Variants in DSPP observed in about 807,000 individuals in gnomAD.
DSPP encodes deafness, autosomal dominant 39.
A neutral mutation model predicts 29.1 loss-of-function variants in DSPP; 28 were observed. The ratio of observed to expected loss-of-function variants is 0.96; its 90% confidence interval spans 0.71 to 1.32. DSPP has a LOEUF of 1.32. Among genes scored for constraint, DSPP ranks in the 40% most tolerant of loss-of-function variants. The pLI is 0.00. For synonymous variants in DSPP, 481 were observed against 503.4 expected, an observed-to-expected ratio of 0.96 and a Z score of 0.60; for missense variants, 1,281 against 1,629.9, an observed-to-expected ratio of 0.79 and a Z score of 3.69.
In DSPP at chr4:87,616,470, G is replaced by GA. The variant is rs1727959401; in HGVS notation, c.3809dup (p.Asp1270GlufsTer8). ...CACATCTGACAGCAATGATGAGAGTGACAGCCAGAGCAAGTCTGGTAACGG... is the reference window on the plus strand; with the variant it reads ...CACATCTGACAGCAATGATGAGAGTGAACAGCCAGAGCAAGTCTGGTAACGG... On this transcript the variant is annotated frameshift_variant, in exon 5 of 5. Coordinates refer to ENST00000651931, the MANE Select transcript of DSPP (RefSeq NM_014208.3). LOFTEE classifies it high-confidence loss of function. 1.3e-6 allele frequency: 2 copies of GA among 1,551,626 alleles called. No homozygotes were observed. The highest frequency in any genetic ancestry group is 3.9e-5 in the Admixed American group (2 of 50,980).
At position 87,615,537 on chromosome 4, in the gene DSPP, A is replaced by G; in HGVS notation, c.2875A>G (p.Ser959Gly). The change falls in exon 5 of 5, where the codon AGC (serine) becomes GGC (glycine). Residue 959 changes from serine to glycine, a missense_variant. By Grantham distance (56) the Ser-to-Gly change is moderately conservative. Coordinates refer to ENST00000651931, the MANE Select transcript of DSPP (RefSeq NM_014208.3). ...CAGTAATAGTAGTGACAGCAGCAAT[A>G]GCAGTGACAGCAGCAACAGCAGTGA... ...DSSNSSDSSN[S>G]SDSSNSSDSS... 5.2e-6 allele frequency: 8 copies of G among 1,550,086 alleles called. No homozygotes were observed. The highest frequency in any genetic ancestry group is 7.0e-6 in the Non-Finnish European group (8 of 1,146,020).
Position 87,614,587 on chromosome 4 carries a change from G to A in DSPP, c.1925G>A (p.Ser642Asn), listed in dbSNP as rs1292105863. 3 of 1,551,374 alleles carry A rather than the reference G, an allele frequency of 1.9e-6. No homozygotes were observed. Among genetic ancestry groups the A allele is most frequent in the Non-Finnish European group, 8.7e-7 (1 of 1,146,862 alleles). ...AGTGATAGTGACAGTAAGTCAGACA[G>A]CAGTGACAGCAACAGCAGTGACAGT... ...DSSDSDSKSD[S>N]SDSNSSDSSD... The change falls in exon 5 of 5, where the codon AGC becomes AAC. Residue 642 changes from serine to asparagine, a missense_variant. By Grantham distance (46) the Ser-to-Asn change is conservative. Coordinates refer to ENST00000651931, the MANE Select transcript of DSPP (RefSeq NM_014208.3).
At chr4:87,613,420 T>C (rs1268428667) in intron 4 of DSPP, 112 bp downstream of exon 4, 33 of 1,319,656 alleles carry the variant, frequency 2.5e-5, no homozygotes, top group Non-Finnish European at 3.2e-5. Flanking sequence ...TTTGTATCCA[T>C]ATTACTTGAC....
intron 1 of DSPP, among the ~76,000 whole-genome samples, chr4:87,609,213 T>C (rs1021640130): frequency 6.6e-6 from 1 of 152,202 alleles, no homozygotes; most frequent in Non-Finnish European, 1.5e-5. Context: ...TCACCTGCCT[T>C]GGAAACGGTG....
intron 1 of DSPP, among the ~76,000 whole-genome samples, chr4:87,610,672 G>GA (rs1417431882): frequency 1.3e-5 from 2 of 152,202 alleles, no homozygotes; most frequent in East Asian, 1.9e-4. Context: ...GGCACAGGCA[G>GA]AAAAAAATCT....
intron 1 of DSPP, among the ~76,000 whole-genome samples, chr4:87,609,734 T>C (rs996130168): frequency 1.3e-5 from 2 of 152,200 alleles, no homozygotes; most frequent in Non-Finnish European, 2.9e-5. Context: ...TTTTATGACA[T>C]GCAGCATTAT....
chr4:87,609,737 A>G (rs1253774366), intron 1 of DSPP, among the ~76,000 whole-genome samples: 1 of 152,236 alleles, frequency 6.6e-6, no homozygotes, highest in African/African-American at 2.4e-5. Flanking sequence ...TATGACATGC[A>G]GCATTATAAT....
chr4:87,612,399 T>C lies in DSPP; in HGVS notation c.213T>C (p.Asn71=). ...VHEGDRGRQE[N]TQDGHKGEGN... is the part of the protein sequence containing the mutation. The stretch of plus-strand genomic sequence containing the variant: ...AAGGTGATAGAGGAAGGCAAGAGAA[T>C]ACCCAAGATGGTCACAAGGGAGAAG... Residue 71 remains asparagine, a synonymous_variant, in exon 4 of 5, where the codon AAT becomes AAC. Coordinates refer to ENST00000651931, the MANE Select transcript of DSPP (RefSeq NM_014208.3). 6.2e-7 allele frequency: 1 copy of C among 1,613,988 alleles called. No homozygotes were observed. Among genetic ancestry groups the C allele is most frequent in the Non-Finnish European group, 8.5e-7 (1 of 1,179,976 alleles).
chr4:87,613,658 A>C (rs1727785036), intron 4 of DSPP, 127 bp from the exon 5 acceptor site: 2 of 1,324,978 alleles, frequency 1.5e-6, no homozygotes, highest in Admixed American at 4.1e-5. Flanking sequence ...TTCACAAATA[A>C]CTGTGAAGTA....
In DSPP at chr4:87,612,096, A is replaced by G. The variant is rs1195733442; in HGVS notation, c.52-9A>G. On this transcript the variant is annotated splice_polypyrimidine_tract_variant and intron_variant, in intron 2 of 4. Transcript: ENST00000651931. ...ACCTTTTCAATAGCCAGTATTTTCT[A>G]CTTGGCAGGTTCCTCAAAGCAAACC... 1 of 1,613,166 alleles carries G rather than the reference A, an allele frequency of 6.2e-7. No homozygotes were observed. Among genetic ancestry groups the G allele is most frequent in the Non-Finnish European group, 8.5e-7 (1 of 1,179,548 alleles).
chr4:87,616,749 C>A lies in DSPP; in HGVS notation c.*181C>A. The A allele has an allele frequency of 1.0e-6, 1 of 954,226 alleles. No homozygotes were observed. The highest frequency in any genetic ancestry group is 1.6e-6 in the Non-Finnish European group (1 of 642,198). The allele number at this position is 954,226 out of a possible 1,614,324, so 59.1% of individuals were successfully genotyped here. ...AACCAAGACCTAACTCCTGCAGAGACAGACTCTGAATGCATGACCTTTGGT... is the reference window on the plus strand; with the variant it reads ...AACCAAGACCTAACTCCTGCAGAGAAAGACTCTGAATGCATGACCTTTGGT... On this transcript the variant is annotated 3_prime_UTR_variant, in exon 5 of 5. Transcript: ENST00000651931.
chr4:87,611,441 C>T (rs1727733169), intron 2 of DSPP, among the ~76,000 whole-genome samples: 1 of 151,822 alleles, frequency 6.6e-6, no homozygotes, highest in South Asian at 2.1e-4. Context: ...TAATTTTTCA[C>T]TCAGAGTTAT....
In DSPP at chr4:87,616,291, G is replaced by A. The variant is rs1727945280; in HGVS notation, c.3629G>A (p.Ser1210Asn). ...AGCGATAGTAGTGATAGCAGTGACA[G>A]CAGTGACAGCAGCGACAGCAGTGAC... Reference protein sequence around the residue: ...DSSDSSDSSDSSDSSDSSDSS... With the variant: ...DSSDSSDSSDNSDSSDSSDSS... Residue 1210 changes from serine (S) to asparagine (N), a missense_variant, in exon 5 of 5, where the codon AGC becomes AAC. Ser to Asn is a conservative substitution (Grantham distance 46). Around this residue, in one of 4 missense-constraint regions of DSPP, gnomAD observed 134 missense variants for 185.0 expected, o/e 0.72. Transcript: ENST00000651931. The A allele has an allele frequency of 2.2e-6, 3 of 1,379,596 alleles. No homozygotes were observed. Among genetic ancestry groups the A allele is most frequent in the African/African-American group, 1.9e-5 (1 of 52,330 alleles). 85.5% of individuals were successfully genotyped at this position (1,379,596 alleles called of 1,614,324 possible).
intron 4 of DSPP, 147 bp from the exon 5 acceptor site, chr4:87,613,637 TA>T: frequency 8.2e-7 from 1 of 1,217,776 alleles, no homozygotes; most frequent in Non-Finnish European, 1.2e-6. Flanking sequence ...AATTACAGAA[TA>T]AAGCACATTT....
At position 87,614,657 on chromosome 4, in the gene DSPP, C is replaced by G. The variant is rs1244667407; in HGVS notation, c.1995C>G (p.Ser665Arg). 3.9e-6 allele frequency: 6 copies of G among 1,537,732 alleles called. No homozygotes were observed. The highest frequency in any genetic ancestry group is 5.3e-6 in the Non-Finnish European group (6 of 1,136,498). The change falls in exon 5 of 5, where the codon AGC (serine) becomes AGG (arginine). Residue 665 changes from serine to arginine, a missense_variant. Ser to Arg is a moderately radical substitution (Grantham distance 110). Transcript: ENST00000651931. ...DSSDSSNSSN[S>R]SDSSDSSDSS... is the part of the protein sequence containing the mutation. ...GCGACAGCAGCAATAGCAGTAACAG[C>G]AGTGATAGTAGTGACAGCAGTGATA...
In DSPP at chr4:87,612,698, G is replaced by T. The variant is rs370969954; in HGVS notation, c.512G>T (p.Gly171Val). Residue 171 changes from glycine to valine, a missense_variant, in exon 4 of 5, where the codon GGT becomes GTT. Around this residue, in one of 4 missense-constraint regions of DSPP, gnomAD observed 631 missense variants for 643.2 expected, o/e 0.98. Transcript: ENST00000651931. Reference protein sequence around the residue: ...NTQNGDVGDAGHNEDVAVVQE... With the variant: ...NTQNGDVGDAVHNEDVAVVQE... ...CAAAATGGGGATGTTGGCGATGCAG[G>T]TCACAATGAGGATGTCGCTGTTGTC... 6.8e-6 allele frequency: 11 copies of T among 1,614,058 alleles called. No individual in the cohort carries two copies. The highest frequency in any genetic ancestry group is 3.3e-5 in the South Asian group (3 of 91,084).
rs202220716 is a variant in DSPP at position 87,614,090 on chromosome 4, T to C, written c.1428T>C (p.Asp476=). ...NSSDESNGND[D]ANSESDNNSS... is the part of the protein sequence containing the mutation. ...GTGATGAATCTAATGGCAATGATGA[T>C]GCTAATTCAGAAAGTGACAATAACA... is the stretch of plus-strand genomic sequence containing the variant. The change falls in exon 5 of 5, where the codon GAT becomes GAC. Residue 476 remains aspartate (D), a synonymous_variant. Coordinates refer to ENST00000651931, the MANE Select transcript of DSPP (RefSeq NM_014208.3). 3.4e-5 allele frequency: 55 copies of C among 1,614,220 alleles called. No homozygotes were observed. The East Asian group carries it at 9.1e-4, about 27-fold the overall frequency.
chr4:87,614,350 G>A lies in DSPP; in HGVS notation c.1688G>A (p.Ser563Asn), dbSNP rs1401730327. ...AGTGATAGCAGCAATAGCAGTGATA[G>A]TAGTGACAGCAGTGACAGTGACAGC... Reference protein sequence around the residue: ...DSSDSSNSSDSSDSSDSDSSD... With the variant: ...DSSDSSNSSDNSDSSDSDSSD... Residue 563 changes from serine to asparagine, a missense_variant, in exon 5 of 5, where the codon AGT becomes AAT. Physicochemically the swap from Ser to Asn is conservative, Grantham distance 46 (BLOSUM62 1). Coordinates refer to ENST00000651931, the MANE Select transcript of DSPP (RefSeq NM_014208.3). 1 of 1,603,940 alleles carries A rather than the reference G, an allele frequency of 6.2e-7. No homozygotes were observed. Among genetic ancestry groups the A allele is most frequent in the Admixed American group, 1.7e-5 (1 of 59,186 alleles).
Position 87,612,645 on chromosome 4 carries a change from C to T in DSPP, c.459C>T (p.Asn153=), listed in dbSNP as rs374403548. 7 of 1,613,910 alleles carry T rather than the reference C, an allele frequency of 4.3e-6. No individual in the cohort carries two copies. Among genetic ancestry groups the T allele is most frequent in the Non-Finnish European group, 5.9e-6 (7 of 1,180,002 alleles). ...ATGCTGGAGCCACAAACAGAAGCAACACTAATGGAAATACTGATAAGAATA... is the reference window on the plus strand; with the variant it reads ...ATGCTGGAGCCACAAACAGAAGCAATACTAATGGAAATACTGATAAGAATA... ...IDNAGATNRS[N]TNGNTDKNTQ... is the part of the protein sequence containing the mutation. The change falls in exon 4 of 5, where the codon AAC becomes AAT. Residue 153 remains asparagine (N), a synonymous_variant. Transcript: ENST00000651931.
Sources: allele counts gnomAD v4.1 joint callset (sites outside exome capture counted in the v4.1 genomes callset), GRCh38; gene constraint gnomAD v4.1.1; regional missense constraint gnomAD v4.1.1; transcripts MANE v1.5; gene names NCBI Gene and HGNC (gene_info 2026-07-23, HGNC 2026-07-21).